The following YAF2 variants were observed in gnomAD, a reference collection of about 807,000 sequenced individuals.
YAF2 encodes YY1-associated factor 2.
Under a neutral mutation model 20.1 loss-of-function variants are expected in YAF2, and 7 were observed. The observed-to-expected ratio is 0.35, with a 90% confidence interval of 0.20 to 0.65. YAF2 has a LOEUF of 0.65. Ranked by LOEUF, YAF2 falls within the 30% of genes least tolerant of loss-of-function variation. The probability of loss-of-function intolerance (pLI) is 0.69; values close to 1 mark genes in which losing one functional copy is unlikely to be tolerated. For missense variants in YAF2, 151 were observed against 219.2 expected (o/e 0.69, Z 1.96); for synonymous variants, 74 against 76.0 (o/e 0.97, Z 0.14).
At chr12:42,213,417 T>C (rs1436658393) in intron 2 of YAF2, among the ~76,000 whole-genome samples, 1 of 152,264 alleles carries the variant, frequency 6.6e-6, no homozygotes, top group Non-Finnish European at 1.5e-5. Flanking sequence ...TAAATTAATC[T>C]GACCAGATTT....
chr12:42,207,057 T>C (rs1253697291), intron 2 of YAF2, among the ~76,000 whole-genome samples: 1 of 152,130 alleles, frequency 6.6e-6, no homozygotes, highest in Non-Finnish European at 1.5e-5. Flanking sequence ...GAGCCCAACA[T>C]GATACTTCAC....
intron 2 of YAF2, among the ~76,000 whole-genome samples, chr12:42,197,347 T>G (rs2066780105): frequency 6.6e-6 from 1 of 152,186 alleles, no homozygotes. Context: ...TTCACCTAGC[T>G]AGGGGCAATG....
At chr12:42,230,737 G>A (rs533402180) in intron 2 of YAF2, among the ~76,000 whole-genome samples, 17 of 152,284 alleles carry the variant, frequency 1.1e-4, no homozygotes, top group African/African-American at 3.9e-4. Context: ...GTTCCAGAAA[G>A]GAGTTTATGC....
intron 2 of YAF2, among the ~76,000 whole-genome samples, chr12:42,188,615 C>A (rs1404079644): frequency 6.6e-6 from 1 of 151,836 alleles, no homozygotes; most frequent in South Asian, 2.1e-4. Context: ...AAACTCCTGG[C>A]CACATGTAGA....
chr12:42,200,707 G>C (rs17592715), intron 2 of YAF2, among the ~76,000 whole-genome samples: 4,679 of 152,214 alleles, frequency 0.031, 102 homozygotes, highest in Non-Finnish European at 0.049. Context: ...TCATAAGTGT[G>C]GGTAAATTAG....
At chr12:42,203,430 T>C (rs1205115405) in intron 2 of YAF2, among the ~76,000 whole-genome samples, 2 of 152,172 alleles carry the variant, frequency 1.3e-5, no homozygotes, top group Non-Finnish European at 2.9e-5. Context: ...ATTTTCTTTC[T>C]TTTTTGCGTA....
intron 2 of YAF2, among the ~76,000 whole-genome samples, chr12:42,230,702 G>A (rs1439476890): frequency 2.0e-5 from 3 of 152,176 alleles, no homozygotes; most frequent in Admixed American, 2.0e-4. Context: ...AATCAAAGCT[G>A]AGACAATGAC....
intron 2 of YAF2, among the ~76,000 whole-genome samples, chr12:42,181,016 G>A (rs536627053): frequency 1.3e-5 from 2 of 152,290 alleles, no homozygotes; most frequent in South Asian, 4.1e-4. Context: ...CATAATGGGA[G>A]GATGGCTTCT....
intron 2 of YAF2, among the ~76,000 whole-genome samples, chr12:42,220,204 T>C (rs1234324902): frequency 1.3e-5 from 2 of 152,200 alleles, no homozygotes; most frequent in African/African-American, 4.8e-5. Context: ...ACACAACATT[T>C]TAGAAGTAGC....
At chr12:42,173,065 A>T (rs1170642326) in intron 2 of YAF2, among the ~76,000 whole-genome samples, 1 of 152,082 alleles carries the variant, frequency 6.6e-6, no homozygotes, top group Non-Finnish European at 1.5e-5. Context: ...AGAGAGAGGG[A>T]GAGAGAGAAA....
chr12:42,176,067 C>T (rs1280045779), intron 2 of YAF2, among the ~76,000 whole-genome samples: 4 of 151,892 alleles, frequency 2.6e-5, no homozygotes, highest in African/African-American at 4.8e-5. Flanking sequence ...GCCAACATGG[C>T]GAAACTCCGT....
intron 2 of YAF2, among the ~76,000 whole-genome samples, chr12:42,202,903 C>A (rs553295354): frequency 6.6e-6 from 1 of 152,306 alleles, no homozygotes; most frequent in South Asian, 2.1e-4. Context: ...TCTCAAAGTG[C>A]TGAGATTACA....
At chr12:42,217,965 G>T (rs563312463) in intron 2 of YAF2, among the ~76,000 whole-genome samples, 1 of 152,150 alleles carries the variant, frequency 6.6e-6, no homozygotes, top group East Asian at 1.9e-4. Context: ...TGGCACAGTG[G>T]CCTAAAAAAG....
At chr12:42,221,899 ATCTG>A (rs763175867) in intron 2 of YAF2, among the ~76,000 whole-genome samples, 15 of 152,208 alleles carry the variant, frequency 9.9e-5, no homozygotes, top group Non-Finnish European at 1.8e-4. Flanking sequence ...AGACGCTCTT[ATCTG>A]TCTATCATTA....
At chr12:42,210,661 G>A (rs1026687552) in intron 2 of YAF2, 1 of 1,535,776 alleles carries the variant, frequency 6.5e-7, no homozygotes, top group Non-Finnish European at 8.7e-7. Flanking sequence ...TTACTGGTAA[G>A]TGATCCAGCT....
At chr12:42,221,221 T>C (rs535660983) in intron 2 of YAF2, among the ~76,000 whole-genome samples, 2 of 152,236 alleles carry the variant, frequency 1.3e-5, no homozygotes, top group East Asian at 3.9e-4. Context: ...TAAGAAGAAA[T>C]CTTTAAGAAG....
At chr12:42,161,095 A>G (rs1051097300) in intron 3 of YAF2, 77 of 408,082 alleles carry the variant, frequency 1.9e-4, no homozygotes, top group Non-Finnish European at 4.8e-5. Context: ...ATAATTTTGC[A>G]GACAGCTTAT....
At chr12:42,202,078 G>A (rs141217073) in intron 2 of YAF2, among the ~76,000 whole-genome samples, 8 of 151,998 alleles carry the variant, frequency 5.3e-5, no homozygotes, top group African/African-American at 1.4e-4. Flanking sequence ...TTATTTTCAC[G>A]TATTGCTTGA....
chr12:42,222,667 A>G (rs2067555128), intron 2 of YAF2, among the ~76,000 whole-genome samples: 1 of 152,192 alleles, frequency 6.6e-6, no homozygotes, highest in African/African-American at 2.4e-5. Context: ...ATAATTTTGT[A>G]CTAGGGTTAC....
Sources: gnomAD v4.1 joint callset for allele counts (sites outside exome capture counted in the v4.1 genomes callset) on GRCh38, gnomAD v4.1.1 for gene constraint, MANE v1.5 for transcripts, NCBI Gene and HGNC (gene_info 2026-07-23, HGNC 2026-07-21) for gene names.